The following ASF1A variants were observed in gnomAD, a reference collection of about 807,000 sequenced individuals.
ASF1A encodes histone chaperone ASF1A.
Under a neutral mutation model 22.0 loss-of-function variants are expected in ASF1A, and 5 were observed. The observed-to-expected ratio is 0.23, with a 90% CI of 0.12 to 0.48. The LOEUF (loss-of-function observed/expected upper bound fraction) is 0.48. ASF1A is among the 20% of genes least tolerant of loss of function. The probability of loss-of-function intolerance (pLI) is 0.99; values close to 1 mark genes in which losing one functional copy is unlikely to be tolerated. For missense variants in ASF1A, 137 were observed against 240.6 expected (o/e 0.57, Z 2.85); for synonymous variants, 97 against 86.7 (o/e 1.12, Z -0.66).
rs147125509 is a variant in ASF1A at position 118,894,984 on chromosome 6, A to G, written c.109+462A>G. On this transcript the variant is annotated intron_variant, in intron 1 of 3. Transcript: ENST00000229595. ...CCCCGAGTCGAGAATTGGGCCAGCG[A>G]CCCCGGCGCACGGCGCCTCCTCTTG... Among the ~76,000 whole-genome samples the G allele has an allele frequency of 3.0e-3, 448 of 149,348 alleles. 3 individuals are homozygous for G. Among genetic ancestry groups the G allele is most frequent in the Non-Finnish European group, 4.1e-3 (271 of 66,566 alleles).
intron 2 of ASF1A, among the ~76,000 whole-genome samples, chr6:118,902,198 TTATAGA>T (rs1293598234): frequency 1.3e-5 from 2 of 152,174 alleles, no homozygotes; most frequent in African/African-American, 2.4e-5. Context: ...AGCACTGCAG[TTATAGA>T]TATAGGTCAA....
intron 3 of ASF1A, among the ~76,000 whole-genome samples, chr6:118,906,142 G>A (rs138937308): frequency 4.6e-5 from 7 of 152,028 alleles, no homozygotes; most frequent in African/African-American, 1.2e-4. Flanking sequence ...GCATGATCTC[G>A]GCTCACTGCA....
At chr6:118,895,844 T>C (rs1280890692) in intron 1 of ASF1A, among the ~76,000 whole-genome samples, 1 of 152,164 alleles carries the variant, frequency 6.6e-6, no homozygotes, top group African/African-American at 2.4e-5. Flanking sequence ...AAACTTTTCA[T>C]TTTAAAAACT....
At position 118,900,901 on chromosome 6, in the gene ASF1A, A is replaced by T; in HGVS notation, c.225+20A>T. 1 of 1,472,128 alleles carries T rather than the reference A, an allele frequency of 6.8e-7. No homozygotes were observed. The highest frequency in any genetic ancestry group is 1.1e-5 in the South Asian group (1 of 88,290). The allele number at this position is 1,472,128 out of a possible 1,614,324, so 91.2% of individuals were successfully genotyped here. The stretch of plus-strand genomic sequence containing the variant: ...TTTCAGGTAAGATTAATCTTGGTAA[A>T]TGTGTATGCCAAATATGTTTCGAAG... On this transcript the variant is annotated intron_variant, in intron 2 of 3. Coordinates refer to ENST00000229595, the MANE Select transcript of ASF1A (RefSeq NM_014034.3).
At chr6:118,905,503 A>C in intron 2 of ASF1A, 149 bp from the exon 3 acceptor site, 1 of 588,152 alleles carries the variant, frequency 1.7e-6, no homozygotes. Flanking sequence ...TAAGTCAGTC[A>C]GAAATGAGCA....
At chr6:118,900,633 T>C in intron 1 of ASF1A, 133 bp from the exon 2 acceptor site, 1 of 661,826 alleles carries the variant, frequency 1.5e-6, no homozygotes, top group East Asian at 2.5e-5. Context: ...AGCATTTCAC[T>C]GCCTTTCTGG....
At position 118,894,329 on chromosome 6, in the gene ASF1A, T is replaced by G. The variant is rs1049751293; in HGVS notation, c.-85T>G. On this transcript the variant is annotated 5_prime_UTR_variant, in exon 1 of 4. Coordinates refer to ENST00000229595, the MANE Select transcript of ASF1A (RefSeq NM_014034.3). ...CGTCTGGCCGGCGCTGGAGCGGGGG[T>G]CTGCGCTCTCCCGAGCGGCCGCGCG... The G allele has an allele frequency of 6.6e-7, 1 of 1,524,860 alleles. No individual in the cohort carries two copies. Among genetic ancestry groups the G allele is most frequent in the Non-Finnish European group, 8.8e-7 (1 of 1,138,942 alleles). 94.5% of individuals were successfully genotyped at this position (1,524,860 alleles called of 1,614,324 possible).
chr6:118,903,400 A>G (rs1779938669), intron 2 of ASF1A, among the ~76,000 whole-genome samples: 1 of 152,172 alleles, frequency 6.6e-6, no homozygotes, highest in Non-Finnish European at 1.5e-5. Flanking sequence ...GAACTGATTT[A>G]CAAATGAATT....
At chr6:118,898,862 C>A (rs149845780) in intron 1 of ASF1A, among the ~76,000 whole-genome samples, 1 of 152,312 alleles carries the variant, frequency 6.6e-6, no homozygotes, top group Non-Finnish European at 1.5e-5. Context: ...GTCCTCTTAT[C>A]TTTGGAGGGC....
chr6:118,904,566 C>T (rs3798594), intron 2 of ASF1A, among the ~76,000 whole-genome samples: 8,720 of 152,250 alleles, frequency 0.057, 360 homozygotes, highest in East Asian at 0.19. Context: ...CTGCACCCTA[C>T]CACGGATGGG....
intron 1 of ASF1A, among the ~76,000 whole-genome samples, chr6:118,897,370 A>G (rs1583586388): frequency 6.6e-6 from 1 of 152,048 alleles, no homozygotes; most frequent in Admixed American, 6.6e-5. Context: ...ACAGCCTGAG[A>G]CCCTGGCTGG....
At chr6:118,907,280 C>T in intron 3 of ASF1A, 122 bp from the exon 4 acceptor site, 1 of 652,846 alleles carries the variant, frequency 1.5e-6, no homozygotes, top group Non-Finnish European at 2.7e-6. Context: ...TGAATTATAC[C>T]TTTGTATATG....
chr6:118,900,967 C>A, intron 2 of ASF1A, 86 bp downstream of exon 2: 1 of 969,044 alleles, frequency 1.0e-6, no homozygotes, highest in Non-Finnish European at 1.6e-6. Context: ...TTATCCCTTT[C>A]CTTTTGGGTT....
chr6:118,905,985 A>G (rs1443413238), intron 3 of ASF1A, among the ~76,000 whole-genome samples, 157 bp downstream of exon 3: 1 of 152,218 alleles, frequency 6.6e-6, no homozygotes, highest in African/African-American at 2.4e-5. Context: ...TTCCATTACC[A>G]TGGATGACTT....
In ASF1A at chr6:118,907,532, C is replaced by G. The variant is rs1780258731; in HGVS notation, c.533C>G (p.Ala178Gly). Residue 178 changes from alanine (A) to glycine (G), a missense_variant, in exon 4 of 4, where the codon GCA (alanine) becomes GGA (glycine). Ala to Gly is a moderately conservative substitution (Grantham distance 60). Around this residue, in one of 2 missense-constraint regions of ASF1A, gnomAD observed 41 missense variants for 43.9 expected, o/e 0.93. Coordinates refer to ENST00000229595, the MANE Select transcript of ASF1A (RefSeq NM_014034.3). Reference protein sequence around the residue: ...PNLQSLLSTDALPSASKGWST... With the variant: ...PNLQSLLSTDGLPSASKGWST... Reference sequence around the variant, plus strand: ...CTACAGTCACTTCTTTCAACAGATGCATTACCTTCAGCATCAAAGGGATGG... The same window carrying G: ...CTACAGTCACTTCTTTCAACAGATGGATTACCTTCAGCATCAAAGGGATGG... 1 of 1,613,648 alleles carries G rather than the reference C, an allele frequency of 6.2e-7. No homozygotes were observed. The highest frequency in any genetic ancestry group is 1.3e-5 in the African/African-American group (1 of 75,026).
At chr6:118,894,894 G>A (rs1224648703) in intron 1 of ASF1A, among the ~76,000 whole-genome samples, 20 of 152,186 alleles carry the variant, frequency 1.3e-4, no homozygotes, top group Admixed American at 1.2e-3. Flanking sequence ...GCCCGAGCAC[G>A]GAGGCTGGGA....
In ASF1A at chr6:118,900,764, A is replaced by G; in HGVS notation, c.110-2A>G. ...AATAATGCTTTGGTTTTTTAACCCT[A>G]GACTTGGAATGGAAAATTATCTATG... is the stretch of plus-strand genomic sequence containing the variant. On this transcript the variant is annotated splice_acceptor_variant, in intron 1 of 3. Transcript: ENST00000229595. LOFTEE classifies it high-confidence loss of function. 2 of 1,600,270 alleles carry G rather than the reference A, an allele frequency of 1.2e-6. No homozygotes were observed. Among genetic ancestry groups the G allele is most frequent in the East Asian group, 2.2e-5 (1 of 44,788 alleles).
At chr6:118,900,240 C>A (rs1050489709) in intron 1 of ASF1A, among the ~76,000 whole-genome samples, 2 of 152,092 alleles carry the variant, frequency 1.3e-5, no homozygotes, top group African/African-American at 4.8e-5. Context: ...TACTTCTGAG[C>A]CATGAGGGAG....
chr6:118,907,682 G>GTCC lies in ASF1A; in HGVS notation c.*69_*70insCCT. On this transcript the variant is annotated 3_prime_UTR_variant, in exon 4 of 4. Transcript: ENST00000229595. ...CACAGAACTATTTCCCTGAAATTCCGTAAGTACATAGTCAAAACACAATGT... is the reference window on the plus strand; with the variant it reads ...CACAGAACTATTTCCCTGAAATTCCGTCCTAAGTACATAGTCAAAACACAATGT... 8.0e-7 allele frequency: 1 copy of GTCC among 1,255,176 alleles called. No individual in the cohort carries two copies. The highest frequency in any genetic ancestry group is 1.1e-6 in the Non-Finnish European group (1 of 871,316). 77.8% of individuals were successfully genotyped at this position (1,255,176 alleles called of 1,614,324 possible).
Sources: gnomAD v4.1 joint callset for allele counts (sites outside exome capture counted in the v4.1 genomes callset) on GRCh38, gnomAD v4.1.1 for gene constraint, gnomAD v4.1.1 regional missense constraint, MANE v1.5 for transcripts, NCBI Gene and HGNC (gene_info 2026-07-23, HGNC 2026-07-21) for gene names.